PXDNL: variants seen among roughly 807,000 people sequenced by gnomAD.
PXDNL encodes peroxidasin like, also known as probable oxidoreductase PXDNL.
Under a neutral mutation model 150.8 loss-of-function variants are expected in PXDNL, and 145 were observed. The observed-to-expected ratio is 0.96, with a 90% confidence interval of 0.84 to 1.10. PXDNL has a LOEUF of 1.10. PXDNL is among the 50% of genes least tolerant of loss of function. The pLI is 0.00. For missense variants in PXDNL, 2,087 were observed against 1,873.9 expected (o/e 1.11, Z -2.10); for synonymous variants, 757 against 725.7 (o/e 1.04, Z -0.69).
chr8:51,594,477 T>C (rs1273733096), intron 2 of PXDNL, among the ~76,000 whole-genome samples: 1 of 152,218 alleles, frequency 6.6e-6, no homozygotes, highest in African/African-American at 2.4e-5. Flanking sequence ...GTATATTAAA[T>C]GTGCTTGAAG....
chr8:51,451,068 G>A (rs368044194), intron 10 of PXDNL, among the ~76,000 whole-genome samples: 2 of 151,482 alleles, frequency 1.3e-5, no homozygotes, highest in Admixed American at 6.6e-5. Flanking sequence ...TCTAGTGTTG[G>A]GAAATTTGAT....
intron 18 of PXDNL, among the ~76,000 whole-genome samples, chr8:51,373,055 C>T (rs972908404): frequency 6.6e-6 from 1 of 152,092 alleles, no homozygotes; most frequent in Non-Finnish European, 1.5e-5. Flanking sequence ...AGCTGTGTCC[C>T]CCTAAAATGT....
chr8:51,670,723 T>C (rs1240018168), intron 1 of PXDNL, among the ~76,000 whole-genome samples: 1 of 152,188 alleles, frequency 6.6e-6, no homozygotes, highest in Non-Finnish European at 1.5e-5. Flanking sequence ...CACTAGATTT[T>C]ACTATGAGAT....
At chr8:51,454,796 C>G (rs1809889366) in intron 9 of PXDNL, among the ~76,000 whole-genome samples, 1 of 152,106 alleles carries the variant, frequency 6.6e-6, no homozygotes, top group Non-Finnish European at 1.5e-5. Flanking sequence ...TGGAAAGATA[C>G]AGAGATGAAC....
intron 1 of PXDNL, among the ~76,000 whole-genome samples, chr8:51,789,710 A>T (rs917412351): frequency 3.3e-5 from 5 of 152,158 alleles, no homozygotes; most frequent in African/African-American, 9.7e-5. Flanking sequence ...TTTTCCTAAC[A>T]TACACCAGAC....
intron 2 of PXDNL, among the ~76,000 whole-genome samples, chr8:51,613,105 C>T (rs1374862036): frequency 6.6e-6 from 1 of 152,078 alleles, no homozygotes; most frequent in Non-Finnish European, 1.5e-5. Context: ...AAATTGATCA[C>T]AGCTGATAAG....
At chr8:51,805,576 G>C (rs1244555955) in intron 1 of PXDNL, among the ~76,000 whole-genome samples, 1 of 151,486 alleles carries the variant, frequency 6.6e-6, no homozygotes, top group East Asian at 1.9e-4. Context: ...CTGAGCATAA[G>C]ACATTTTCCA....
chr8:51,341,942 C>CAT (rs1805995459), intron 20 of PXDNL, among the ~76,000 whole-genome samples: 1 of 152,142 alleles, frequency 6.6e-6, no homozygotes, highest in Non-Finnish European at 1.5e-5. Flanking sequence ...ATCTAGCAAT[C>CAT]CCACGCCTGG....
At chr8:51,469,297 A>G (rs1000322155) in intron 8 of PXDNL, among the ~76,000 whole-genome samples, 21 of 152,100 alleles carry the variant, frequency 1.4e-4, no homozygotes, top group African/African-American at 5.1e-4. Flanking sequence ...GATCACAGTG[A>G]AGAGTATAGA....
chr8:51,460,004 A>G (rs1008813558), intron 8 of PXDNL, among the ~76,000 whole-genome samples: 1 of 152,030 alleles, frequency 6.6e-6, no homozygotes, highest in Non-Finnish European at 1.5e-5. Context: ...TGCCAGCACT[A>G]TGGGAGGCTG....
intron 17 of PXDNL, among the ~76,000 whole-genome samples, chr8:51,403,287 G>A (rs966651733): frequency 6.6e-6 from 1 of 152,096 alleles, no homozygotes; most frequent in Non-Finnish European, 1.5e-5. Flanking sequence ...ACTGAAGGAG[G>A]CAGGATATTT....
intron 3 of PXDNL, among the ~76,000 whole-genome samples, chr8:51,573,346 T>C (rs180874349): frequency 1.3e-5 from 2 of 152,068 alleles, no homozygotes; most frequent in East Asian, 3.9e-4. Flanking sequence ...ACAGACCACA[T>C]AGAAAGCCTT....
rs1025290179 is a variant in PXDNL, at chr8:51,453,528, T to C, written c.1240A>G (p.Ile414Val). ...CCTTCTGCTCCCATACCTTGTACAA[T>C]TATGTTTGCTGCAGCTTGAACAGTG... ...HGTVQAAANI[I>V]VQAPPQFTVT... is the part of the protein sequence containing the mutation. Residue 414 changes from isoleucine (I) to valine (V), a missense_variant, in exon 10 of 23, where the codon ATT becomes GTT. Ile to Val is a conservative substitution (Grantham distance 29). Coordinates refer to ENST00000356297, the MANE Select transcript of PXDNL (RefSeq NM_144651.5). 3 of 1,613,876 alleles carry C rather than the reference T, an allele frequency of 1.9e-6. No homozygotes were observed. The highest frequency in any genetic ancestry group is 1.3e-5 in the African/African-American group (1 of 74,932).
intron 15 of PXDNL, 98 bp downstream of exon 15, chr8:51,413,052 T>A (rs1297561259): frequency 1.4e-6 from 1 of 723,038 alleles, no homozygotes; most frequent in Non-Finnish European, 2.4e-6. Context: ...GAAAGCACTC[T>A]ATTGCATATG....
intron 1 of PXDNL, among the ~76,000 whole-genome samples, chr8:51,680,480 A>T (rs771542784): frequency 1.3e-5 from 2 of 152,210 alleles, no homozygotes; most frequent in Non-Finnish European, 2.9e-5. Flanking sequence ...TGATATATTT[A>T]ATCTTGTATA....
At chr8:51,762,425 G>A (rs937603545) in intron 1 of PXDNL, among the ~76,000 whole-genome samples, 27 of 152,056 alleles carry the variant, frequency 1.8e-4, no homozygotes, top group African/African-American at 6.3e-4. Flanking sequence ...AAGCTTTTAA[G>A]TCCAATAAGA....
chr8:51,577,139 T>C (rs1047599910), intron 3 of PXDNL, among the ~76,000 whole-genome samples: 1 of 151,854 alleles, frequency 6.6e-6, no homozygotes, highest in Non-Finnish European at 1.5e-5. Flanking sequence ...TACTTCTCGA[T>C]TCACTTTACA....
chr8:51,707,296 G>A (rs1468461929), intron 1 of PXDNL, among the ~76,000 whole-genome samples: 1 of 152,122 alleles, frequency 6.6e-6, no homozygotes, highest in African/African-American at 2.4e-5. Context: ...CAAATATAGA[G>A]TCCCTTTTTA....
At chr8:51,559,331 C>T (rs1447488606) in intron 3 of PXDNL, among the ~76,000 whole-genome samples, 1 of 18,674 alleles carries the variant, frequency 5.4e-5, no homozygotes, top group Non-Finnish European at 7.8e-5. Context: ...TTCTTCCAAA[C>T]CCCCCCCCCC....
Sources: gnomAD v4.1 joint callset for allele counts (sites outside exome capture counted in the v4.1 genomes callset) on GRCh38, gnomAD v4.1.1 for gene constraint, MANE v1.5 for transcripts, NCBI Gene and HGNC (gene_info 2026-07-23, HGNC 2026-07-21) for gene names.